The following AGO1 variants were observed in gnomAD, a reference collection of about 807,000 sequenced individuals.
The protein encoded by AGO1 is argonaute RISC component 1.
A neutral mutation model predicts 109.2 loss-of-function variants in AGO1; 11 were observed. That is an observed-to-expected ratio of 0.10 (90% CI 0.06 to 0.17). AGO1 has a LOEUF of 0.17. AGO1 is among the 10% of genes least tolerant of loss of function. AGO1 has a pLI of 1.00. For synonymous variants in AGO1, 422 were observed against 418.6 expected, an observed-to-expected ratio of 1.01 and a Z score of -0.10; for missense variants, 574 against 1,140.3, an observed-to-expected ratio of 0.50 and a Z score of 7.15.
At chr1:35,885,311 C>T (rs1236365908) in intron 1 of AGO1, among the ~76,000 whole-genome samples, 1 of 152,138 alleles carries the variant, frequency 6.6e-6, no homozygotes, top group Non-Finnish European at 1.5e-5. Flanking sequence ...TGATTTTTAT[C>T]CTGATGAATT....
intron 12 of AGO1, among the ~76,000 whole-genome samples, chr1:35,912,886 A>G (rs1645663454): frequency 6.6e-6 from 1 of 150,732 alleles, no homozygotes; most frequent in Non-Finnish European, 1.5e-5. Flanking sequence ...TATTTTTATT[A>G]CAGAAGCTGG....
chr1:35,894,430 C>T (rs752891755), intron 7 of AGO1, 28 bp downstream of exon 7: 9 of 1,608,638 alleles, frequency 5.6e-6, no homozygotes, highest in African/African-American at 1.3e-5. Flanking sequence ...CTGAGTCATA[C>T]TTTGTTGGTG....
chr1:35,908,677 A>G lies in AGO1; in HGVS notation c.1582+1558A>G, dbSNP rs1645573238. ...TTACTACTTCTGTATTTGACATCAC[A>G]GTTGCTTCTAAGTACCTTCATTCAA... is the stretch of plus-strand genomic sequence containing the variant. On this transcript the variant is annotated intron_variant, in intron 12 of 18. Coordinates refer to ENST00000373204, the MANE Select transcript of AGO1 (RefSeq NM_012199.5). Among the ~76,000 whole-genome samples the G allele has an allele frequency of 2.0e-5, 3 of 152,298 alleles. No homozygotes were observed. The South Asian group carries it at 6.2e-4, about 32-fold the overall frequency.
In AGO1 at chr1:35,922,461, TG is replaced by T. The variant is rs1328627531; in HGVS notation, c.*2859del. ...CTTACCCAAGCTTCAAGGAAGTGCT[TG>T]GGGGACCCCCAGCCTCATCCTCTTA... is the stretch of plus-strand genomic sequence containing the variant. On this transcript the variant is annotated 3_prime_UTR_variant, in exon 19 of 19. Transcript: ENST00000373204. The T allele has an allele frequency of 6.6e-6, 1 of 152,344 alleles. No homozygotes were observed. Among genetic ancestry groups the T allele is most frequent in the African/African-American group, 2.4e-5 (1 of 41,474 alleles). 9.4% of individuals were successfully genotyped at this position (152,344 alleles called of 1,614,324 possible).
chr1:35,873,296 G>A (rs930661484), intron 1 of AGO1: 1 of 153,590 alleles, frequency 6.5e-6, no homozygotes, highest in Admixed American at 6.5e-5. Context: ...ACATTAGGGG[G>A]CTTAGGTCTT....
In AGO1 at chr1:35,919,752, T is replaced by A. The variant is rs1025410190; in HGVS notation, c.*145T>A. 1.4e-5 allele frequency: 10 copies of A among 702,278 alleles called. No homozygotes were observed. Among genetic ancestry groups the A allele is most frequent in the Non-Finnish European group, 2.1e-5 (9 of 430,234 alleles). 43.5% of individuals were successfully genotyped at this position (702,278 alleles called of 1,614,324 possible). ...CTTGTTTCCTTCTATAGAGGTGGTGTAAGAGTGGGGAACAGGGCCAGCAAG... is the reference window on the plus strand; with the variant it reads ...CTTGTTTCCTTCTATAGAGGTGGTGAAAGAGTGGGGAACAGGGCCAGCAAG... On this transcript the variant is annotated 3_prime_UTR_variant, in exon 19 of 19. Coordinates refer to ENST00000373204, the MANE Select transcript of AGO1 (RefSeq NM_012199.5). The surrounding 1 kb of genome is among the most constrained non-coding windows in gnomAD (Gnocchi z 6.6).
chr1:35,887,373 A>G (rs1645137791), intron 1 of AGO1, among the ~76,000 whole-genome samples: 1 of 152,148 alleles, frequency 6.6e-6, no homozygotes, highest in South Asian at 2.1e-4. Context: ...GCAGCATATT[A>G]TTCCCTTTTT....
At chr1:35,879,590 C>A (rs929791008), upstream of AGO1, among the ~76,000 whole-genome samples, 2 of 151,970 alleles carry the variant, frequency 1.3e-5, no homozygotes, top group Admixed American at 1.3e-4. Context: ...CAAAAATTAG[C>A]TGGGTGTGGT....
intron 11 of AGO1, among the ~76,000 whole-genome samples, chr1:35,903,448 G>A (rs1459060044): frequency 6.6e-6 from 1 of 152,052 alleles, no homozygotes; most frequent in Non-Finnish European, 1.5e-5. Context: ...TCTGGAGTGG[G>A]GTCAATGCAC....
chr1:35,872,537 A>T (rs1305343238), intron 1 of AGO1, among the ~76,000 whole-genome samples: 1 of 151,596 alleles, frequency 6.6e-6, no homozygotes, highest in Non-Finnish European at 1.5e-5. Context: ...TAATGGTTTG[A>T]AAGTTTTATT....
chr1:35,883,462 AG>A lies in AGO1; in HGVS notation c.25+21del. On this transcript the variant is annotated intron_variant, in intron 1 of 18. Transcript: ENST00000373204. The surrounding 1 kb of genome is among the most constrained non-coding windows in gnomAD (Gnocchi z 5.4). ...TCGGGAGCAGGTAAGGGTCCCCAGG[AG>A]GGGGAACGGTGCATGCTCCAAGGAC... 6.4e-7 allele frequency: 1 copy of A among 1,552,884 alleles called. No homozygotes were observed. The highest frequency in any genetic ancestry group is 8.7e-7 in the Non-Finnish European group (1 of 1,155,974).
upstream of AGO1, among the ~76,000 whole-genome samples, chr1:35,880,402 T>G (rs1645025963): frequency 6.6e-6 from 1 of 151,804 alleles, no homozygotes; most frequent in South Asian, 2.1e-4. Flanking sequence ...AGTAAGTAAA[T>G]AAATAAATAA....
Position 35,888,435 on chromosome 1 carries a change from G to A in AGO1, c.34G>A (p.Ala12Thr), listed in dbSNP as rs1170596078. Residue 12 changes from alanine (A) to threonine (T), a missense_variant, in exon 2 of 19, where the codon GCT (alanine) becomes ACT (threonine). By Grantham distance (58) the Ala-to-Thr change is moderately conservative. Around this residue, in one of 8 missense-constraint regions of AGO1, gnomAD observed 89 missense variants for 109.6 expected, o/e 0.81. Coordinates refer to ENST00000373204, the MANE Select transcript of AGO1 (RefSeq NM_012199.5). The surrounding 1 kb of genome is among the most constrained non-coding windows in gnomAD (Gnocchi z 4.1). ...EAGPSGAAAG[A>T]YLPPLQQVFQ... ...GCCTCTTTGTCTTGTAGCTGCGGGCGCTTACCTGCCCCCCCTGCAGCAGGT... is the reference window on the plus strand; with the variant it reads ...GCCTCTTTGTCTTGTAGCTGCGGGCACTTACCTGCCCCCCCTGCAGCAGGT... 3 of 1,613,904 alleles carry A rather than the reference G, an allele frequency of 1.9e-6. No homozygotes were observed. The highest frequency in any genetic ancestry group is 2.7e-5 in the African/African-American group (2 of 74,924).
chr1:35,905,984 C>G (rs1385455290), intron 11 of AGO1, among the ~76,000 whole-genome samples: 1 of 152,178 alleles, frequency 6.6e-6, no homozygotes, highest in African/African-American at 2.4e-5. Context: ...TCCTAAACAG[C>G]TGCTTCCATT....
At chr1:35,917,080 C>T (rs2148724857) in intron 15 of AGO1, among the ~76,000 whole-genome samples, 1 of 152,332 alleles carries the variant, frequency 6.6e-6, no homozygotes, top group South Asian at 2.1e-4. Flanking sequence ...TTATTTACTT[C>T]TAGCTTTTCC....
In AGO1 at chr1:35,883,462, A is replaced by G. The variant is rs1297411794; in HGVS notation, c.25+16A>G. 1 of 1,552,762 alleles carries G rather than the reference A, an allele frequency of 6.4e-7. No individual in the cohort carries two copies. The highest frequency in any genetic ancestry group is 1.4e-5 in the African/African-American group (1 of 69,862). ...TCGGGAGCAGGTAAGGGTCCCCAGGAGGGGGAACGGTGCATGCTCCAAGGA... is the reference window on the plus strand; with the variant it reads ...TCGGGAGCAGGTAAGGGTCCCCAGGGGGGGGAACGGTGCATGCTCCAAGGA... On this transcript the variant is annotated intron_variant, in intron 1 of 18. Transcript: ENST00000373204. The surrounding 1 kb of genome is among the most constrained non-coding windows in gnomAD (Gnocchi z 5.4).
chr1:35,870,348 A>G (rs922073237), intron 1 of AGO1, among the ~76,000 whole-genome samples: 1 of 151,356 alleles, frequency 6.6e-6, no homozygotes, highest in African/African-American at 2.4e-5. Flanking sequence ...CAGTGGCGCC[A>G]TCTCGACCCA....
chr1:35,929,697 AAAGT>A lies in AGO1; in HGVS notation c.*10094_*10097del, dbSNP rs953077202. 4.6e-5 allele frequency: 7 copies of A among 152,234 alleles called. No homozygotes were observed. Among genetic ancestry groups the A allele is most frequent in the African/African-American group, 9.6e-5 (4 of 41,454 alleles). 9.4% of individuals were successfully genotyped at this position (152,234 alleles called of 1,614,324 possible). A position where few individuals can be genotyped will look rare whatever the true frequency, so the allele number is the denominator to read the frequency against. ...GGGGGTAGGGATGTGAAAGAAGAAG[AAAGT>A]AAGAATTGGAGTCAGATGTGGTTTT... On this transcript the variant is annotated 3_prime_UTR_variant, in exon 19 of 19. Transcript: ENST00000373204.
rs202115790 is a variant in AGO1 at position 35,919,858 on chromosome 1, C to T, written c.*251C>T. On this transcript the variant is annotated 3_prime_UTR_variant, in exon 19 of 19. Transcript: ENST00000373204. The surrounding 1 kb of genome is among the most constrained non-coding windows in gnomAD (Gnocchi z 6.6). ...CCATCTTGTCACATCTGGCCCTGAC[C>T]CCACTGGACCAAAAGGGGCAGCACT... is the stretch of plus-strand genomic sequence containing the variant. The T allele has an allele frequency of 4.1e-6, 2 of 490,870 alleles. No individual in the cohort carries two copies. The highest frequency in any genetic ancestry group is 6.6e-5 in the East Asian group (2 of 30,344). The allele number at this position is 490,870 out of a possible 1,614,324, so 30.4% of individuals were successfully genotyped here.
Sources: allele counts gnomAD v4.1 joint callset (sites outside exome capture counted in the v4.1 genomes callset), GRCh38; gene constraint gnomAD v4.1.1; regional missense constraint gnomAD v4.1.1; non-coding constraint Gnocchi (gnomAD v3.1); transcripts MANE v1.5; gene names NCBI Gene and HGNC (gene_info 2026-07-23, HGNC 2026-07-21).